Variants in TNR observed in about 807,000 individuals in gnomAD.
TNR encodes the protein tenascin R, also known as tenascin-R.
Under a neutral mutation model 150.4 loss-of-function variants are expected in TNR, and 45 were observed. That is an observed-to-expected ratio of 0.30 (90% confidence interval 0.24 to 0.38). The LOEUF (loss-of-function observed/expected upper bound fraction) is 0.38. Ranked by LOEUF, TNR falls within the 10% of genes least tolerant of loss-of-function variation. The pLI is 1.00. For missense variants in TNR, 1,544 were observed against 1,759.1 expected (o/e 0.88, Z 2.19); for synonymous variants, 687 against 678.4 (o/e 1.01, Z -0.20).
chr1:175,421,658 G>A (rs78039901), intron 2 of TNR, among the ~76,000 whole-genome samples: 225 of 152,274 alleles, frequency 1.5e-3, no homozygotes, highest in African/African-American at 5.2e-3. Flanking sequence ...ACAGTATTAA[G>A]TCAACAAGGA....
intron 2 of TNR, among the ~76,000 whole-genome samples, chr1:175,451,682 A>G (rs1656328092): frequency 6.6e-6 from 1 of 152,190 alleles, no homozygotes; most frequent in South Asian, 2.1e-4. Context: ...TCAGCCCTTT[A>G]TGGAGCCCGT....
At chr1:175,634,682 C>A (rs1192883586) in intron 1 of TNR, among the ~76,000 whole-genome samples, 1 of 152,108 alleles carries the variant, frequency 6.6e-6, no homozygotes, top group Admixed American at 6.5e-5. Context: ...TCTCCACCAT[C>A]CTAAGTTCCA....
intron 21 of TNR, among the ~76,000 whole-genome samples, chr1:175,328,799 G>A (rs1166426646): frequency 2.7e-5 from 4 of 148,774 alleles, no homozygotes; most frequent in Non-Finnish European, 1.5e-5. Flanking sequence ...AAGCACAGGC[G>A]GATGAAGAGG....
intron 18 of TNR, among the ~76,000 whole-genome samples, chr1:175,346,222 A>ATGAT (rs1174925861): frequency 6.6e-6 from 1 of 152,222 alleles, no homozygotes; most frequent in Non-Finnish European, 1.5e-5. Flanking sequence ...AAAAGTAAGA[A>ATGAT]TGATTAACTA....
At chr1:175,571,684 G>GA (rs1661877188) in intron 1 of TNR, among the ~76,000 whole-genome samples, 2 of 152,140 alleles carry the variant, frequency 1.3e-5, no homozygotes, top group Non-Finnish European at 2.9e-5. Context: ...TTCTCCTGCT[G>GA]TCACCCCACT....
chr1:175,365,024 C>A lies in TNR; in HGVS notation c.2573G>T (p.Gly858Val). The part of the protein sequence containing the change: ...HGTVTSEPIV[G>V]SITTGIDPPK... ...TCCAGCCTCACCTGTGGTGATGGAG[C>A]CCACAATGGGCTCAGAGGTCACTGT... The change falls in exon 12 of 23, where the codon GGC becomes GTC. Residue 858 changes from glycine to valine, a missense_variant. Around this residue, in one of 2 missense-constraint regions of TNR, gnomAD observed 1,254 missense variants for 1,329.4 expected, o/e 0.94. Transcript: ENST00000367674. The A allele has an allele frequency of 6.2e-7, 1 of 1,607,866 alleles. No individual in the cohort carries two copies. The highest frequency in any genetic ancestry group is 8.5e-7 in the Non-Finnish European group (1 of 1,175,098).
chr1:175,676,654 C>T (rs1665874394), intron 1 of TNR, among the ~76,000 whole-genome samples: 1 of 152,228 alleles, frequency 6.6e-6, no homozygotes, highest in African/African-American at 2.4e-5. Flanking sequence ...AGAGGAAAAG[C>T]AGCCAGAAAG....
rs34901178 is a variant in TNR, at chr1:175,535,627, ATT to A, written c.-164-7260_-164-7259del. ...AGGCACTCGCCAACATGCCCGGCTA[ATT>A]TTTTTTTTTTTTTGGTATTTTTAGT... On this transcript the variant is annotated intron_variant, in intron 1 of 22. Coordinates refer to ENST00000367674, the MANE Select transcript of TNR (RefSeq NM_003285.3). Among the ~76,000 whole-genome samples the A allele has an allele frequency of 6.3e-3, 875 of 138,902 alleles. 6 individuals are homozygous for A. The highest frequency in any genetic ancestry group is 0.02 in the African/African-American group (770 of 38,384). 91.1% of individuals were successfully genotyped at this position (138,902 alleles called of 152,430 possible).
intron 1 of TNR, among the ~76,000 whole-genome samples, chr1:175,730,082 G>T (rs1361852874): frequency 1.3e-5 from 2 of 152,084 alleles, no homozygotes; most frequent in Non-Finnish European, 2.9e-5. Flanking sequence ...CCAAATTCCA[G>T]TCTCCTTTTT....
intron 1 of TNR, among the ~76,000 whole-genome samples, chr1:175,624,058 A>T (rs1353873714): frequency 6.6e-6 from 1 of 152,238 alleles, no homozygotes; most frequent in Non-Finnish European, 1.5e-5. Context: ...GCACACACCC[A>T]CCTGGATTAA....
chr1:175,725,834 G>A (rs1203197164), intron 1 of TNR, among the ~76,000 whole-genome samples: 3 of 152,148 alleles, frequency 2.0e-5, no homozygotes, highest in Non-Finnish European at 4.4e-5. Context: ...AGAGGCCTTC[G>A]TCACTGCTGG....
At chr1:175,552,955 A>G (rs1661003769) in intron 1 of TNR, among the ~76,000 whole-genome samples, 1 of 152,140 alleles carries the variant, frequency 6.6e-6, no homozygotes, top group Non-Finnish European at 1.5e-5. Flanking sequence ...CAGCCTGGGA[A>G]TTTGAACTAG....
intron 2 of TNR, among the ~76,000 whole-genome samples, chr1:175,409,096 C>G (rs1392467296): frequency 6.6e-6 from 1 of 152,202 alleles, no homozygotes; most frequent in East Asian, 1.9e-4. Flanking sequence ...CTTTCAGGAT[C>G]CCTAGGCGTG....
At chr1:175,656,596 C>T in intron 1 of TNR, 1 of 152,678 alleles carries the variant, frequency 6.5e-6, no homozygotes, top group Non-Finnish European at 1.5e-5. Flanking sequence ...CTCTCCTATC[C>T]CAATTGGTCC....
At chr1:175,360,224 G>A (rs1651528480) in intron 14 of TNR, among the ~76,000 whole-genome samples, 1 of 152,170 alleles carries the variant, frequency 6.6e-6, no homozygotes, top group African/African-American at 2.4e-5. Context: ...ACTCCATAGG[G>A]GCAGGAGTAT....
intron 1 of TNR, among the ~76,000 whole-genome samples, chr1:175,680,689 G>A (rs1433371543): frequency 6.6e-6 from 1 of 152,124 alleles, no homozygotes; most frequent in Non-Finnish European, 1.5e-5. Context: ...TGCAATAAGG[G>A]GTGGGGACAG....
chr1:175,373,492 G>A (rs948466515), intron 9 of TNR, among the ~76,000 whole-genome samples: 5 of 152,158 alleles, frequency 3.3e-5, no homozygotes, highest in East Asian at 3.8e-4. Context: ...TCAGGCTTTC[G>A]AGGCCATCTC....
chr1:175,386,114 C>T lies in TNR; in HGVS notation c.1695G>A (p.Arg565=). The change falls in exon 8 of 23, where the codon CGG becomes CGA. Residue 565 remains arginine (R), a synonymous_variant. Coordinates refer to ENST00000367674, the MANE Select transcript of TNR (RefSeq NM_003285.3). The part of the protein sequence containing the change: ...PLSQYSVQAL[R]PGSRYEVSVS... ...CTGACACCTCGTATCGGGAGCCAGG[C>T]CGCAGGGCCTGCACTGAGTATTGGC... The T allele has an allele frequency of 6.2e-7, 1 of 1,613,002 alleles. No individual in the cohort carries two copies. Among genetic ancestry groups the T allele is most frequent in the Non-Finnish European group, 8.5e-7 (1 of 1,179,120 alleles).
chr1:175,721,413 G>A (rs1667295072), intron 1 of TNR, among the ~76,000 whole-genome samples: 1 of 152,098 alleles, frequency 6.6e-6, no homozygotes, highest in Non-Finnish European at 1.5e-5. Flanking sequence ...TGGGCATGCC[G>A]AGTTGTGCTA....
Sources: allele counts gnomAD v4.1 joint callset (sites outside exome capture counted in the v4.1 genomes callset), GRCh38; gene constraint gnomAD v4.1.1; regional missense constraint gnomAD v4.1.1; transcripts MANE v1.5; gene names NCBI Gene and HGNC (gene_info 2026-07-23, HGNC 2026-07-21).